CDKAL1: variants seen among roughly 807,000 people sequenced by gnomAD.
CDKAL1 encodes CDKAL1 threonylcarbamoyladenosine tRNA methylthiotransferase, also known as threonylcarbamoyladenosine tRNA methylthiotransferase.
In CDKAL1, 32 loss-of-function variants were observed where a neutral mutation model predicts 68.2. That is an observed-to-expected ratio of 0.47 (90% confidence interval 0.35 to 0.63). The LOEUF (loss-of-function observed/expected upper bound fraction) is 0.63. Ranked by LOEUF, CDKAL1 falls within the 30% of genes least tolerant of loss-of-function variation. CDKAL1 has a pLI of 0.00. For synonymous variants in CDKAL1, 234 were observed against 244.3 expected (o/e 0.96, Z 0.39); for missense variants, 606 against 696.7 (o/e 0.87, Z 1.47).
chr6:20,995,948 A>G (rs1330509744), intron 10 of CDKAL1, among the ~76,000 whole-genome samples: 1 of 152,220 alleles, frequency 6.6e-6, no homozygotes, highest in Non-Finnish European at 1.5e-5. Flanking sequence ...CATCTTCATC[A>G]GTGATCTTAG....
At chr6:20,975,668 A>C (rs540705188) in intron 10 of CDKAL1, among the ~76,000 whole-genome samples, 2 of 152,352 alleles carry the variant, frequency 1.3e-5, no homozygotes, top group East Asian at 3.9e-4. Flanking sequence ...CTGATTCTAC[A>C]GATATTCAAT....
intron 13 of CDKAL1, among the ~76,000 whole-genome samples, chr6:21,152,781 T>A (rs1183830909): frequency 6.6e-6 from 1 of 152,250 alleles, no homozygotes; most frequent in Non-Finnish European, 1.5e-5. Flanking sequence ...TCTTTTGTGA[T>A]CTTTGTTTAA....
chr6:20,550,127 C>T (rs904269460), intron 4 of CDKAL1, among the ~76,000 whole-genome samples: 6 of 151,936 alleles, frequency 3.9e-5, no homozygotes, highest in Admixed American at 2.6e-4. Flanking sequence ...TACAGGCATG[C>T]GCCACCACAC....
At chr6:21,027,209 A>G (rs569959229) in intron 11 of CDKAL1, among the ~76,000 whole-genome samples, 3 of 152,052 alleles carry the variant, frequency 2.0e-5, no homozygotes, top group South Asian at 4.2e-4. Flanking sequence ...TCATCAGTCT[A>G]TTTTCCTTTT....
intron 10 of CDKAL1, among the ~76,000 whole-genome samples, chr6:20,994,485 A>G (rs1346953289): frequency 6.6e-6 from 1 of 152,216 alleles, no homozygotes; most frequent in Non-Finnish European, 1.5e-5. Context: ...AGAAAAAAGA[A>G]AAGAAAAGAG....
At chr6:20,681,141 T>C (rs1045072403) in intron 5 of CDKAL1, among the ~76,000 whole-genome samples, 3 of 152,234 alleles carry the variant, frequency 2.0e-5, no homozygotes, top group Non-Finnish European at 4.4e-5. Context: ...ACCCTAGTTG[T>C]TTCACTGTTG....
At chr6:20,752,136 A>C (rs1773950546) in intron 6 of CDKAL1, among the ~76,000 whole-genome samples, 1 of 145,926 alleles carries the variant, frequency 6.9e-6, no homozygotes, top group Non-Finnish European at 1.5e-5. Context: ...CCTTTTCCCC[A>C]TTGCTTCCTC....
intron 9 of CDKAL1, among the ~76,000 whole-genome samples, chr6:20,925,028 T>C (rs1177231068): frequency 1.3e-5 from 2 of 152,194 alleles, no homozygotes; most frequent in Non-Finnish European, 2.9e-5. Context: ...CTACAGAGAA[T>C]CTTTTGTGGA....
At chr6:20,637,036 CAAA>C (rs58986368) in intron 4 of CDKAL1, among the ~76,000 whole-genome samples, 9 of 113,250 alleles carry the variant, frequency 7.9e-5, no homozygotes, top group Admixed American at 9.1e-5. Context: ...GACTCCGTCT[CAAA>C]AAAAAAAAAA....
At chr6:21,169,098 TGAAA>T (rs1267808809) in intron 13 of CDKAL1, among the ~76,000 whole-genome samples, 1 of 152,092 alleles carries the variant, frequency 6.6e-6, no homozygotes, top group Non-Finnish European at 1.5e-5. Flanking sequence ...TTTATCCAGA[TGAAA>T]GAAATACGGG....
At chr6:20,829,294 A>G (rs535378041) in intron 8 of CDKAL1, among the ~76,000 whole-genome samples, 77 of 152,322 alleles carry the variant, frequency 5.1e-4, no homozygotes, top group African/African-American at 1.8e-3. Context: ...CTCAGCAGCT[A>G]CACACCATTT....
intron 10 of CDKAL1, among the ~76,000 whole-genome samples, chr6:20,993,898 T>A (rs1581985900): frequency 1.3e-5 from 2 of 152,242 alleles, no homozygotes; most frequent in East Asian, 3.8e-4. Flanking sequence ...TTAATATCTA[T>A]ATTTTAAGCA....
At chr6:20,960,603 G>A (rs1025529737) in intron 10 of CDKAL1, among the ~76,000 whole-genome samples, 2 of 152,222 alleles carry the variant, frequency 1.3e-5, no homozygotes, top group African/African-American at 4.8e-5. Context: ...CAGTGCCTGT[G>A]ATAACACACA....
intron 13 of CDKAL1, among the ~76,000 whole-genome samples, chr6:21,161,526 G>T (rs1057440986): frequency 1.3e-5 from 2 of 152,140 alleles, no homozygotes; most frequent in Non-Finnish European, 1.5e-5. Context: ...TTAAGATAAA[G>T]AACTTTTTGG....
At chr6:21,178,957 A>C (rs189343818) in intron 13 of CDKAL1, among the ~76,000 whole-genome samples, 18 of 152,350 alleles carry the variant, frequency 1.2e-4, no homozygotes, top group African/African-American at 3.1e-4. Flanking sequence ...ATTTTTCTTA[A>C]TTTTTAACTG....
chr6:20,577,239 G>A (rs1764952310), intron 4 of CDKAL1, among the ~76,000 whole-genome samples: 1 of 152,174 alleles, frequency 6.6e-6, no homozygotes, highest in African/African-American at 2.4e-5. Flanking sequence ...ATTTGACAGA[G>A]AAAAGGATTA....
At chr6:20,986,721 A>G (rs201350) in intron 10 of CDKAL1, among the ~76,000 whole-genome samples, 13,447 of 152,180 alleles carry the variant, frequency 0.088, 726 homozygotes, top group Middle Eastern at 0.16. Flanking sequence ...ATATACTTTT[A>G]AAGATATATA....
chr6:20,732,159 C>T (rs1022391162), intron 5 of CDKAL1, among the ~76,000 whole-genome samples: 4 of 152,032 alleles, frequency 2.6e-5, no homozygotes, highest in Non-Finnish European at 5.9e-5. Flanking sequence ...TCTCCTTGCA[C>T]CTCAGCCTCC....
At chr6:21,069,774 C>CTTTTTTTT (rs60241965) in intron 12 of CDKAL1, among the ~76,000 whole-genome samples, 1 of 69,920 alleles carries the variant, frequency 1.4e-5, no homozygotes, top group Non-Finnish European at 2.6e-5. Context: ...GATTTTCTTT[C>CTTTTTTTT]TTTTTTTTTT....
Sources: gnomAD v4.1 joint callset for allele counts (sites outside exome capture counted in the v4.1 genomes callset) on GRCh38, gnomAD v4.1.1 for gene constraint, MANE v1.5 for transcripts, NCBI Gene and HGNC (gene_info 2026-07-23, HGNC 2026-07-21) for gene names.